The following CHD4 variants were observed in gnomAD, a reference collection of about 807,000 sequenced individuals.
CHD4 encodes the protein ATP-dependent chromatin remodeler CHD4.
A neutral mutation model predicts 235.5 loss-of-function variants in CHD4; 35 were observed. The ratio of observed to expected loss-of-function variants is 0.15; its 90% CI spans 0.11 to 0.20. The LOEUF (loss-of-function observed/expected upper bound fraction) is 0.20, where lower values mean the gene tolerates loss of function less well. Ranked by LOEUF, CHD4 falls within the 10% of genes least tolerant of loss-of-function variation. CHD4 has a pLI of 1.00. For missense variants in CHD4, 1,329 were observed against 2,432.3 expected (o/e 0.55, Z 9.54); for synonymous variants, 900 against 850.2 (o/e 1.06, Z -1.02).
Position 6,595,345 on chromosome 12 carries a change from G to A in CHD4, c.2110C>T (p.Pro704Ser). The A allele has an allele frequency of 1.2e-6, 2 of 1,613,894 alleles. No homozygotes were observed. The highest frequency in any genetic ancestry group is 1.7e-6 in the Non-Finnish European group (2 of 1,179,886). The change falls in exon 14 of 40, where the codon CCA (proline) becomes TCA (serine). Residue 704 changes from proline to serine, a missense_variant. Physicochemically the swap from Pro to Ser is moderately conservative, Grantham distance 74. Around this residue, in one of 26 missense-constraint regions of CHD4, gnomAD observed 121 missense variants for 177.8 expected, o/e 0.68. Transcript: ENST00000544040. ...LRKLERPPET[P>S]TVDPTVKYER... ...CCACCCCCACTCACATCAACTGTTG[G>A]CGTTTCTGGAGGCCTCTCCAACTTC...
In CHD4 at chr12:6,591,788, C is replaced by T. The variant is rs1948405821; in HGVS notation, c.3128G>A (p.Ser1043Asn). The T allele has an allele frequency of 1.2e-5, 20 of 1,614,228 alleles. No homozygotes were observed. The highest frequency in any genetic ancestry group is 1.7e-5 in the Non-Finnish European group (20 of 1,180,044). ...TTTCCCAGATGCTCTGATTAGGGCACTGCCATCATACATGCCATTAGGCAT... is the reference window on the plus strand; with the variant it reads ...TTTCCCAGATGCTCTGATTAGGGCATTGCCATCATACATGCCATTAGGCAT... ...PKMPNGMYDG[S>N]ALIRASGKLL... The change falls in exon 21 of 40, where the codon AGT becomes AAT. Residue 1043 changes from serine (S) to asparagine (N), a missense_variant. By Grantham distance (46) the Ser-to-Asn change is conservative (BLOSUM62 1). Around this residue, in one of 26 missense-constraint regions of CHD4, gnomAD observed 39 missense variants for 83.8 expected, o/e 0.47. Coordinates refer to ENST00000544040, the MANE Select transcript of CHD4 (RefSeq NM_001273.5).
chr12:6,579,036 T>C, intron 33 of CHD4, 119 bp from the exon 34 acceptor site: 1 of 906,980 alleles, frequency 1.1e-6, no homozygotes, highest in South Asian at 1.5e-5. Flanking sequence ...TAATGTCAGC[T>C]GGGCATGGTG....
intron 23 of CHD4, 139 bp downstream of exon 23, chr12:6,588,159 A>G: frequency 7.8e-7 from 1 of 1,277,688 alleles, no homozygotes; most frequent in Admixed American, 2.3e-5. Context: ...TCTGGCTTAC[A>G]ATAAGGTAAA....
chr12:6,606,646 G>A lies in CHD4; in HGVS notation c.-78-195C>T, dbSNP rs1277232454. On this transcript the variant is annotated intron_variant, in intron 1 of 39. Transcript: ENST00000544040. ...TCCCCGGCAGGCGCCCCCACGGAGC[G>A]AGGGAGCGACGCCTCCGAGGGCAGG... 1.7e-5 allele frequency: 6 copies of A among 359,750 alleles called. No homozygotes were observed. The East Asian group carries it at 2.0e-4, about 12-fold the overall frequency. 22.3% of individuals were successfully genotyped at this position (359,750 alleles called of 1,614,324 possible).
Position 6,598,438 on chromosome 12 carries a change from G to C in CHD4, c.1483-13C>G, listed in dbSNP as rs780688247. The C allele has an allele frequency of 1.9e-6, 3 of 1,574,822 alleles. No individual in the cohort carries two copies. The highest frequency in any genetic ancestry group is 1.4e-5 in the African/African-American group (1 of 73,378). On this transcript the variant is annotated splice_polypyrimidine_tract_variant and intron_variant, in intron 10 of 39. Transcript: ENST00000544040. Reference sequence around the variant, plus strand: ...TCAGAGCTGGACACTGAGAGAAAAAGAGACAACTTAATCTCAAATCATAAC... The same window carrying C: ...TCAGAGCTGGACACTGAGAGAAAAACAGACAACTTAATCTCAAATCATAAC...
At position 6,572,941 on chromosome 12, in the gene CHD4, GGCAAAGATCCCTAGC is replaced by G. The variant is rs1948002398; in HGVS notation, c.5557+118_5557+132del. 13 of 827,494 alleles carry G rather than the reference GGCAAAGATCCCTAGC, an allele frequency of 1.6e-5. No individual in the cohort carries two copies. The South Asian group carries it at 2.2e-4, about 14-fold the overall frequency. 51.3% of individuals were successfully genotyped at this position (827,494 alleles called of 1,614,324 possible). On this transcript the variant is annotated intron_variant, in intron 38 of 39. Transcript: ENST00000544040. ...TCTAAGATACTAACCTCCCAAGGATGGCAAAGATCCCTAGCACCTCCTAAACTCCCAGACAAAGGA... is the reference window on the plus strand; with the variant it reads ...TCTAAGATACTAACCTCCCAAGGATGACCTCCTAAACTCCCAGACAAAGGA...
At chr12:6,577,144 C>A (rs151150853) in intron 37 of CHD4, among the ~76,000 whole-genome samples, 1 of 152,288 alleles carries the variant, frequency 6.6e-6, no homozygotes, top group Non-Finnish European at 1.5e-5. Context: ...CCAGGCCAGG[C>A]ATGGTGGCTC....
chr12:6,592,880 A>C, intron 17 of CHD4, 63 bp from the exon 18 acceptor site: 2 of 1,571,572 alleles, frequency 1.3e-6, no homozygotes, highest in Non-Finnish European at 1.7e-6. Context: ...AATCTCTACA[A>C]AATTTCAAGT....
rs1047407637 is a variant in CHD4 at position 6,583,463 on chromosome 12, A to G, written c.3880-85T>C. ...TGGTCCTCACAGTTCCCACTCTGCT[A>G]GCTCCTTTTCATGACTGGACTCTTA... On this transcript the variant is annotated intron_variant, in intron 25 of 39. Coordinates refer to ENST00000544040, the MANE Select transcript of CHD4 (RefSeq NM_001273.5). 8.2e-6 allele frequency: 10 copies of G among 1,223,018 alleles called. No individual in the cohort carries two copies. The African/African-American group carries it at 1.4e-4, about 17-fold the overall frequency. 75.8% of individuals were successfully genotyped at this position (1,223,018 alleles called of 1,614,324 possible).
At chr12:6,604,470 C>T (rs12099908) in intron 2 of CHD4, among the ~76,000 whole-genome samples, 1 of 151,812 alleles carries the variant, frequency 6.6e-6, no homozygotes, top group Non-Finnish European at 1.5e-5. Flanking sequence ...GGCACAAGAA[C>T]GCCCCTCCCA....
rs561674454 is a variant in CHD4 at position 6,587,040 on chromosome 12, T to C, written c.3879+344A>G. 81 of 211,004 alleles carry C rather than the reference T, an allele frequency of 3.8e-4. 1 individual carries two copies. The South Asian group carries it at 7.2e-3, about 19-fold the overall frequency. The allele number at this position is 211,004 out of a possible 1,614,324, so 13.1% of individuals were successfully genotyped here. ...ATAAAAACCAGAAAACACAAAGAGA[T>C]AGATTACCTAGGATCTTCTGCCTTT... On this transcript the variant is annotated intron_variant, in intron 25 of 39. Transcript: ENST00000544040.
intron 2 of CHD4, among the ~76,000 whole-genome samples, chr12:6,605,686 C>T (rs1257048057): frequency 1.3e-5 from 2 of 152,188 alleles, no homozygotes; most frequent in Admixed American, 1.3e-4. Context: ...CCATCACTTC[C>T]CCACTCAAAA....
intron 30 of CHD4, among the ~76,000 whole-genome samples, 154 bp from the exon 31 acceptor site, chr12:6,581,968 A>T (rs1016022671): frequency 2.0e-5 from 3 of 152,018 alleles, no homozygotes; most frequent in Admixed American, 6.6e-5. Context: ...ACGTGCAGCT[A>T]ATTTTTGTAT....
chr12:6,575,898 A>T (rs1281429856), intron 37 of CHD4, among the ~76,000 whole-genome samples: 4 of 152,158 alleles, frequency 2.6e-5, no homozygotes, highest in Non-Finnish European at 5.9e-5. Flanking sequence ...TTGCTGGCTC[A>T]CATCTTTGCC....
chr12:6,571,171 ACCATGTTCAAATT>A lies in CHD4; in HGVS notation c.5558-152_5558-140del, dbSNP rs1223382191. On this transcript the variant is annotated intron_variant, in intron 38 of 39. Transcript: ENST00000544040. ...TCTTCTGTCATCTGACCTGACCTCC[ACCATGTTCAAATT>A]CCTACTCCTCATATTCCAGTTCCAA... 10 of 992,400 alleles carry A rather than the reference ACCATGTTCAAATT, an allele frequency of 1.0e-5. No individual in the cohort carries two copies. In the Admixed American group the frequency reaches 2.4e-4, roughly 24 times the overall value. The allele number at this position is 992,400 out of a possible 1,614,324, so 61.5% of individuals were successfully genotyped here. A position where few individuals can be genotyped will look rare whatever the true frequency, so the allele number is the denominator to read the frequency against.
At chr12:6,570,732 T>G in intron 39 of CHD4, 39 bp from the exon 40 acceptor site, 1 of 1,613,980 alleles carries the variant, frequency 6.2e-7, no homozygotes, top group Non-Finnish European at 8.5e-7. Context: ...TTCCAGATGA[T>G]AGGAATCCAC....
At position 6,601,253 on chromosome 12, in the gene CHD4, C is replaced by A. The variant is rs752225434; in HGVS notation, c.799+36G>T. On this transcript the variant is annotated intron_variant, in intron 6 of 39. Transcript: ENST00000544040. Reference sequence around the variant, plus strand: ...CTGTCTTTGACATCTTAAGCCCACACTAGACACCCCCACTCCCATTTGAAC... The same window carrying A: ...CTGTCTTTGACATCTTAAGCCCACAATAGACACCCCCACTCCCATTTGAAC... 2.1e-5 allele frequency: 34 copies of A among 1,605,104 alleles called. 1 individual carries two copies. In the South Asian group the frequency reaches 3.4e-4, roughly 16 times the overall value.
intron 12 of CHD4, 70 bp from the exon 13 acceptor site, chr12:6,596,207 G>C (rs931621503): frequency 5.0e-6 from 8 of 1,587,014 alleles, no homozygotes; most frequent in Non-Finnish European, 6.9e-6. Context: ...TCAAAAACTG[G>C]CAATACCGTT....
chr12:6,589,891 C>G (rs1948362067), intron 22 of CHD4, among the ~76,000 whole-genome samples: 1 of 151,970 alleles, frequency 6.6e-6, no homozygotes. Context: ...AATAACTGAA[C>G]AGTGCTTATC....
Sources: gnomAD v4.1 joint callset for allele counts (sites outside exome capture counted in the v4.1 genomes callset) on GRCh38, gnomAD v4.1.1 for gene constraint, gnomAD v4.1.1 regional missense constraint, MANE v1.5 for transcripts, NCBI Gene and HGNC (gene_info 2026-07-23, HGNC 2026-07-21) for gene names.